PLXDC2: variants seen among roughly 807,000 people sequenced by gnomAD.
PLXDC2 encodes plexin domain containing 2, also known as plexin domain-containing protein 2.
A neutral mutation model predicts 68.9 loss-of-function variants in PLXDC2; 40 were observed. That is an observed-to-expected ratio of 0.58 (90% CI 0.45 to 0.76). The LOEUF (loss-of-function observed/expected upper bound fraction) is 0.76, where lower values mean the gene tolerates loss of function less well. Among genes scored for constraint, PLXDC2 ranks in the 30% least tolerant of loss-of-function variants. The pLI is 0.00. For synonymous variants in PLXDC2, 243 were observed against 234.2 expected, an observed-to-expected ratio of 1.04 and a Z score of -0.34; for missense variants, 644 against 661.9, an observed-to-expected ratio of 0.97 and a Z score of 0.30.
intron 1 of PLXDC2, among the ~76,000 whole-genome samples, chr10:19,893,590 A>G (rs1838005068): frequency 1.3e-5 from 2 of 152,244 alleles, no homozygotes; most frequent in Non-Finnish European, 2.9e-5. Context: ...GCTCTGTGCA[A>G]AAAGATGGAT....
chr10:20,090,747 C>T (rs546777348), intron 4 of PLXDC2, among the ~76,000 whole-genome samples: 1 of 152,158 alleles, frequency 6.6e-6, no homozygotes, highest in South Asian at 2.1e-4. Context: ...CAGAAACTGA[C>T]ATTACTTAGT....
chr10:20,158,555 C>T (rs1479257179), intron 6 of PLXDC2, among the ~76,000 whole-genome samples: 2 of 146,818 alleles, frequency 1.4e-5, no homozygotes, highest in Non-Finnish European at 3.0e-5. Flanking sequence ...GCAAGCTACT[C>T]GGGAGGCTAA....
At chr10:19,944,331 A>G (rs1833866707) in intron 1 of PLXDC2, among the ~76,000 whole-genome samples, 1 of 152,066 alleles carries the variant, frequency 6.6e-6, no homozygotes, top group Non-Finnish European at 1.5e-5. Flanking sequence ...AGTATATATG[A>G]ATTCACATGG....
intron 1 of PLXDC2, among the ~76,000 whole-genome samples, chr10:19,927,928 G>A (rs974520762): frequency 6.6e-6 from 1 of 151,986 alleles, no homozygotes; most frequent in Non-Finnish European, 1.5e-5. Flanking sequence ...CCAATAGGTA[G>A]TTTTTCATCC....
intron 9 of PLXDC2, among the ~76,000 whole-genome samples, chr10:20,210,054 A>C (rs1379773045): frequency 6.6e-6 from 1 of 152,144 alleles, no homozygotes; most frequent in South Asian, 2.1e-4. Flanking sequence ...AGTACATGAG[A>C]TTTTACATAA....
intron 1 of PLXDC2, among the ~76,000 whole-genome samples, chr10:19,843,716 A>T (rs72784107): frequency 0.046 from 7,030 of 152,260 alleles, 194 homozygotes; most frequent in Non-Finnish European, 0.068. Context: ...GGAGCTAAAA[A>T]AATGTGATCT....
In PLXDC2 at chr10:20,158,637, T is replaced by G. The variant is rs531552763; in HGVS notation, c.784-5831T>G. Among the ~76,000 whole-genome samples the G allele has an allele frequency of 4.0e-5, 6 of 151,854 alleles. No homozygotes were observed. The South Asian group carries it at 1.2e-3, about 32-fold the overall frequency. On this transcript the variant is annotated intron_variant, in intron 6 of 13. Coordinates refer to ENST00000377252, the MANE Select transcript of PLXDC2 (RefSeq NM_032812.9). ...GTGATTGCACCACTGCACTCCAGCC[T>G]GGGCAACAGAATGAGACTCTGTCTC...
At chr10:20,205,652 A>G (rs567618878) in intron 9 of PLXDC2, among the ~76,000 whole-genome samples, 5 of 152,198 alleles carry the variant, frequency 3.3e-5, no homozygotes, top group African/African-American at 1.2e-4. Context: ...TTTTTCTATG[A>G]TAGTCAGATT....
At position 19,882,726 on chromosome 10, in the gene PLXDC2, T is replaced by C. The variant is rs965128417; in HGVS notation, c.112+65535T>C. 7.9e-5 allele frequency among the ~76,000 whole-genome samples: 12 copies of C among 152,306 alleles called. No individual in the cohort carries two copies. The South Asian group carries it at 1.9e-3, about 24-fold the overall frequency. On this transcript the variant is annotated intron_variant, in intron 1 of 13. Transcript: ENST00000377252. ...AGATGTAGATAAACAGTAGCATATG[T>C]CAGAAAGATTTGTTAAATGTAAGTT...
intron 1 of PLXDC2, among the ~76,000 whole-genome samples, chr10:19,928,749 C>CTT (rs796581734): frequency 2.2e-3 from 230 of 105,084 alleles, no homozygotes; most frequent in Non-Finnish European, 2.9e-3. Flanking sequence ...GAAGATAGGA[C>CTT]TTTTTTTTTT....
At chr10:19,947,485 G>A (rs1303606082) in intron 1 of PLXDC2, among the ~76,000 whole-genome samples, 5 of 152,150 alleles carry the variant, frequency 3.3e-5, no homozygotes, top group African/African-American at 9.7e-5. Flanking sequence ...GCTCACTGAT[G>A]TTCTGATAAC....
At chr10:20,095,890 A>G (rs890540681) in intron 4 of PLXDC2, among the ~76,000 whole-genome samples, 1 of 152,218 alleles carries the variant, frequency 6.6e-6, no homozygotes, top group East Asian at 1.9e-4. Context: ...AAAATCTTGC[A>G]GAGTCAAATG....
Position 20,166,265 on chromosome 10 carries a change from C to G in PLXDC2, c.883+1698C>G, listed in dbSNP as rs1834373544. ...ATCTTAGAACTGAATGGTTATGTTA[C>G]AACTGAATGGCATTGATACGTGGTG... is the stretch of plus-strand genomic sequence containing the variant. On this transcript the variant is annotated intron_variant, in intron 7 of 13. Coordinates refer to ENST00000377252, the MANE Select transcript of PLXDC2 (RefSeq NM_032812.9). Among the ~76,000 whole-genome samples the G allele has an allele frequency of 2.0e-5, 3 of 152,118 alleles. No individual in the cohort carries two copies. In the South Asian group the frequency reaches 6.2e-4, roughly 31 times the overall value.
intron 1 of PLXDC2, among the ~76,000 whole-genome samples, chr10:19,898,000 A>G (rs970557511): frequency 1.3e-5 from 2 of 152,200 alleles, no homozygotes; most frequent in African/African-American, 2.4e-5. Flanking sequence ...TGTAACATCA[A>G]ACTCATTAAG....
At chr10:20,222,852 G>T (rs1240315308) in intron 12 of PLXDC2, among the ~76,000 whole-genome samples, 1 of 152,070 alleles carries the variant, frequency 6.6e-6, no homozygotes, top group African/African-American at 2.4e-5. Context: ...AAATTAAAAA[G>T]AAGATCTTAT....
At chr10:20,125,767 A>T (rs1243829406) in intron 4 of PLXDC2, among the ~76,000 whole-genome samples, 1 of 152,030 alleles carries the variant, frequency 6.6e-6, no homozygotes, top group Non-Finnish European at 1.5e-5. Context: ...ATTAATGTAC[A>T]CAGCAGTGTT....
At chr10:20,096,510 CA>C (rs1026940340) in intron 4 of PLXDC2, among the ~76,000 whole-genome samples, 2 of 151,742 alleles carry the variant, frequency 1.3e-5, no homozygotes, top group African/African-American at 2.4e-5. Flanking sequence ...CCAGCAGCAG[CA>C]GAAGAGAAAA....
chr10:20,209,680 C>T (rs1309794192), intron 9 of PLXDC2, among the ~76,000 whole-genome samples: 1 of 152,068 alleles, frequency 6.6e-6, no homozygotes, highest in African/African-American at 2.4e-5. Context: ...TTATCCTGTT[C>T]TTTTCTCAAG....
At chr10:20,113,804 T>C (rs1391903200) in intron 4 of PLXDC2, among the ~76,000 whole-genome samples, 1 of 152,142 alleles carries the variant, frequency 6.6e-6, no homozygotes, top group Non-Finnish European at 1.5e-5. Flanking sequence ...TTCTCCTTAA[T>C]GTGGTGCTTA....
Sources: allele counts gnomAD v4.1 joint callset (sites outside exome capture counted in the v4.1 genomes callset), GRCh38; gene constraint gnomAD v4.1.1; transcripts MANE v1.5; gene names NCBI Gene and HGNC (gene_info 2026-07-23, HGNC 2026-07-21).